EPHA3: variants seen among roughly 807,000 people sequenced by gnomAD.
EPHA3 encodes EPH receptor A3, also known as ephrin type-A receptor 3.
EPHA3 carries 42 observed loss-of-function variants against 107.1 expected under a neutral mutation model. That is an observed-to-expected ratio of 0.39 (90% CI 0.31 to 0.51). The LOEUF is 0.51. Ranked by LOEUF, EPHA3 falls within the 20% of genes least tolerant of loss-of-function variation. The pLI, the probability that EPHA3 is intolerant of heterozygous loss-of-function variation, is 0.78. For synonymous variants in EPHA3, 461 were observed against 424.8 expected, an observed-to-expected ratio of 1.09 and a Z score of -1.05; for missense variants, 1,183 against 1,211.2, an observed-to-expected ratio of 0.98 and a Z score of 0.35.
chr3:89,460,729 C>A (rs1710212570), intron 15 of EPHA3, among the ~76,000 whole-genome samples: 1 of 146,718 alleles, frequency 6.8e-6, no homozygotes, highest in Non-Finnish European at 1.5e-5. Context: ...AATTCTGAAA[C>A]TGACAGGGTG....
intron 1 of EPHA3, among the ~76,000 whole-genome samples, chr3:89,109,733 A>T (rs1707056309): frequency 6.6e-6 from 1 of 152,070 alleles, no homozygotes; most frequent in Non-Finnish European, 1.5e-5. Context: ...AATTATACAG[A>T]CAGGTACACA....
At chr3:89,174,527 A>G (rs1357928469) in intron 2 of EPHA3, among the ~76,000 whole-genome samples, 1 of 152,034 alleles carries the variant, frequency 6.6e-6, no homozygotes, top group Non-Finnish European at 1.5e-5. Context: ...CACTTCAGGA[A>G]GTAAAATTAC....
At chr3:89,290,474 C>T (rs1254336220) in intron 3 of EPHA3, among the ~76,000 whole-genome samples, 1 of 152,090 alleles carries the variant, frequency 6.6e-6, no homozygotes, top group Non-Finnish European at 1.5e-5. Context: ...TCCACCAAAA[C>T]ACTTGAAAAC....
At chr3:89,294,753 C>T (rs887047011) in intron 3 of EPHA3, among the ~76,000 whole-genome samples, 13 of 152,088 alleles carry the variant, frequency 8.5e-5, no homozygotes, top group Non-Finnish European at 1.6e-4. Flanking sequence ...TGTTCTATGT[C>T]CATGCCTACT....
At chr3:89,124,781 A>G (rs1283714889) in intron 1 of EPHA3, among the ~76,000 whole-genome samples, 1 of 152,032 alleles carries the variant, frequency 6.6e-6, no homozygotes, top group Admixed American at 6.5e-5. Context: ...AATCAGTCAG[A>G]AGTAATGCTG....
chr3:89,380,562 A>G (rs1343380934), intron 5 of EPHA3, among the ~76,000 whole-genome samples: 1 of 152,190 alleles, frequency 6.6e-6, no homozygotes, highest in Non-Finnish European at 1.5e-5. Flanking sequence ...AGACTAAACA[A>G]CATTGTTTAT....
chr3:89,443,410 A>G (rs920907575), intron 13 of EPHA3, among the ~76,000 whole-genome samples: 2 of 152,216 alleles, frequency 1.3e-5, no homozygotes, highest in African/African-American at 4.8e-5. Flanking sequence ...TATTAATGTA[A>G]CAACACTATT....
At chr3:89,142,424 C>A (rs1354862323) in intron 2 of EPHA3, among the ~76,000 whole-genome samples, 1 of 151,302 alleles carries the variant, frequency 6.6e-6, no homozygotes, top group African/African-American at 2.4e-5. Flanking sequence ...CCTCTCAAGG[C>A]ACTTATAAGT....
chr3:89,410,097 C>T (rs1279838473), intron 9 of EPHA3, among the ~76,000 whole-genome samples: 1 of 151,890 alleles, frequency 6.6e-6, no homozygotes, highest in South Asian at 2.1e-4. Flanking sequence ...CTGGGGTCAG[C>T]AGTTAAAGAT....
intron 2 of EPHA3, among the ~76,000 whole-genome samples, chr3:89,147,900 A>G (rs1704601542): frequency 6.6e-6 from 1 of 151,980 alleles, no homozygotes; most frequent in South Asian, 2.1e-4. Flanking sequence ...CTGGTCAAAA[A>G]GGAGGAAAAC....
At chr3:89,314,820 C>T (rs1286136083) in intron 3 of EPHA3, among the ~76,000 whole-genome samples, 4 of 151,980 alleles carry the variant, frequency 2.6e-5, no homozygotes, top group Non-Finnish European at 5.9e-5. Flanking sequence ...AATATATATG[C>T]AGTTATGCGT....
intron 2 of EPHA3, among the ~76,000 whole-genome samples, chr3:89,181,771 G>C (rs1450487010): frequency 6.6e-6 from 1 of 151,968 alleles, no homozygotes; most frequent in Admixed American, 6.6e-5. Context: ...AATCTAAGCA[G>C]AGAGCCCTAG....
At chr3:89,355,287 A>T (rs1261317701) in intron 5 of EPHA3, among the ~76,000 whole-genome samples, 2 of 151,272 alleles carry the variant, frequency 1.3e-5, no homozygotes, top group Non-Finnish European at 3.0e-5. Context: ...CTATTGCTTT[A>T]TCTTTCTGTG....
chr3:89,195,855 C>T (rs1416769742), intron 2 of EPHA3, among the ~76,000 whole-genome samples: 1 of 152,134 alleles, frequency 6.6e-6, no homozygotes, highest in Admixed American at 6.6e-5. Context: ...TTAAATCTCA[C>T]GAGTGATGAG....
chr3:89,316,505 A>AATATATAT lies in EPHA3; in HGVS notation c.815-24383_815-24376dup, dbSNP rs58576798. On this transcript the variant is annotated intron_variant, in intron 3 of 16. Coordinates refer to ENST00000336596, the MANE Select transcript of EPHA3 (RefSeq NM_005233.6). ...TGTGTGTGTGTGTGTGTGTGTGTGT[A>AATATATAT]ATATATATATATATATATATATATA... is the stretch of plus-strand genomic sequence containing the variant. 8.8e-3 allele frequency among the ~76,000 whole-genome samples: 918 copies of AATATATAT among 104,072 alleles called. 9 individuals carry two copies. The highest frequency in any genetic ancestry group is 0.024 in the East Asian group (71 of 3,012). 68.3% of individuals were successfully genotyped at this position (104,072 alleles called of 152,430 possible).
At chr3:89,405,656 T>G (rs750297699) in intron 7 of EPHA3, among the ~76,000 whole-genome samples, 1 of 152,156 alleles carries the variant, frequency 6.6e-6, no homozygotes, top group Non-Finnish European at 1.5e-5. Flanking sequence ...CAAACTTAGA[T>G]TTGTTCAGGC....
At chr3:89,449,146 G>C (rs2107552956) in intron 13 of EPHA3, 79 bp from the exon 14 acceptor site, 1 of 1,303,840 alleles carries the variant, frequency 7.7e-7, no homozygotes, top group Non-Finnish European at 1.0e-6. Context: ...GAGAAATTCT[G>C]TCCGGTTTCA....
chr3:89,346,628 T>C (rs1237105379), intron 5 of EPHA3, among the ~76,000 whole-genome samples: 1 of 151,036 alleles, frequency 6.6e-6, no homozygotes, highest in African/African-American at 2.4e-5. Flanking sequence ...TTTAATTAGA[T>C]CCCATTTGTC....
At chr3:89,170,896 AAGATG>A (rs1705196633) in intron 2 of EPHA3, among the ~76,000 whole-genome samples, 1 of 151,936 alleles carries the variant, frequency 6.6e-6, no homozygotes, top group Non-Finnish European at 1.5e-5. Flanking sequence ...CGTTAAATAG[AAGATG>A]TTTACAGCAT....
Sources: allele counts gnomAD v4.1 joint callset (sites outside exome capture counted in the v4.1 genomes callset), GRCh38; gene constraint gnomAD v4.1.1; transcripts MANE v1.5; gene names NCBI Gene and HGNC (gene_info 2026-07-23, HGNC 2026-07-21).